Variants in ZNF480 observed in about 807,000 individuals in gnomAD.
ZNF480 encodes zinc finger protein 480.
ZNF480 carries 15 observed loss-of-function variants against 14.4 expected under a neutral mutation model. The observed-to-expected ratio is 1.04, with a 90% CI of 0.70 to 1.60. The LOEUF (loss-of-function observed/expected upper bound fraction) is 1.60, where lower values mean the gene tolerates loss of function less well. ZNF480 is among the 40% of genes most tolerant of loss of function. The pLI is 0.00. For synonymous variants in ZNF480, 218 were observed against 215.5 expected (o/e 1.01, Z -0.10); for missense variants, 593 against 629.7 (o/e 0.94, Z 0.62).
chr19:52,307,149 C>G (rs933975966), intron 2 of ZNF480, among the ~76,000 whole-genome samples: 9 of 152,292 alleles, frequency 5.9e-5, no homozygotes, highest in African/African-American at 1.9e-4. Context: ...TCAGCGCCAT[C>G]CTTATATGAC....
intron 3 of ZNF480, among the ~76,000 whole-genome samples, chr19:52,315,447 C>T (rs913509788): frequency 1.3e-5 from 2 of 151,896 alleles, no homozygotes; most frequent in East Asian, 1.9e-4. Context: ...GCTCGAGTAG[C>T]TGGGATTAGA....
intron 3 of ZNF480, 32 bp downstream of exon 3, chr19:52,314,311 C>A (rs749765788): frequency 6.8e-7 from 1 of 1,480,026 alleles, no homozygotes. Context: ...AAGCCGGGAT[C>A]TGCCCTTGGT....
chr19:52,297,175 C>T lies in ZNF480; in HGVS notation c.-68C>T. The T allele has an allele frequency of 2.4e-6, 1 of 423,998 alleles. No homozygotes were observed. The highest frequency in any genetic ancestry group is 4.7e-6 in the Non-Finnish European group (1 of 213,052). 26.3% of individuals were successfully genotyped at this position (423,998 alleles called of 1,614,324 possible). ...ACCCCTCCGCTGCGCGCGCAGTTTC[C>T]CACAAACCCGGAAGCGGATCGCGTG... On this transcript the variant is annotated 5_prime_UTR_variant, in exon 1 of 5. Transcript: ENST00000595962.
chr19:52,318,895 G>A (rs190572407), intron 4 of ZNF480, among the ~76,000 whole-genome samples: 5 of 151,492 alleles, frequency 3.3e-5, no homozygotes, highest in African/African-American at 7.3e-5. Context: ...ATGGATTCTC[G>A]CTCTGTCATC....
intron 4 of ZNF480, 56 bp downstream of exon 4, chr19:52,316,018 G>T (rs1366284413): frequency 1.4e-6 from 2 of 1,479,804 alleles, no homozygotes; most frequent in Non-Finnish European, 1.8e-6. Flanking sequence ...CTTTTTTTTT[G>T]TTTTGTTTTG....
In ZNF480 at chr19:52,322,107, C is replaced by T. The variant is rs755820379; in HGVS notation, c.857C>T (p.Pro286Leu). ...RHQRIHTREKPYECNECGKVF... is the reference protein window; with the variant it reads ...RHQRIHTREKLYECNECGKVF... ...CAAAGAATTCATACCAGAGAGAAGCCGTATGAATGTAATGAATGTGGTAAA... is the reference window on the plus strand; with the variant it reads ...CAAAGAATTCATACCAGAGAGAAGCTGTATGAATGTAATGAATGTGGTAAA... Residue 286 changes from proline (P) to leucine (L), a missense_variant, in exon 5 of 5, where the codon CCG becomes CTG. Transcript: ENST00000595962. 8.1e-6 allele frequency: 13 copies of T among 1,613,714 alleles called. No individual in the cohort carries two copies. The highest frequency in any genetic ancestry group is 5.3e-5 in the African/African-American group (4 of 74,856).
chr19:52,315,455 A>C (rs1223390288), intron 3 of ZNF480, among the ~76,000 whole-genome samples: 3 of 151,876 alleles, frequency 2.0e-5, no homozygotes, highest in Non-Finnish European at 4.4e-5. Flanking sequence ...AGCTGGGATT[A>C]GAGGCATGTG....
At chr19:52,310,982 G>A (rs1192063482) in intron 2 of ZNF480, among the ~76,000 whole-genome samples, 1 of 142,216 alleles carries the variant, frequency 7.0e-6, no homozygotes, top group Non-Finnish European at 1.5e-5. Context: ...TCCAGCCTGG[G>A]TGACAGAGCG....
chr19:52,320,100 G>A (rs1009587665), intron 4 of ZNF480, among the ~76,000 whole-genome samples: 13 of 152,098 alleles, frequency 8.5e-5, no homozygotes, highest in Non-Finnish European at 1.9e-4. Context: ...ACAAGCGTGA[G>A]CCACTGTGCC....
rs1466157206 is a variant in ZNF480 at position 52,324,531 on chromosome 19, T to A, written c.*1673T>A. 1 of 152,142 alleles carries A rather than the reference T, an allele frequency of 6.6e-6. No homozygotes were observed. The highest frequency in any genetic ancestry group is 2.4e-5 in the African/African-American group (1 of 41,424). The allele number at this position is 152,142 out of a possible 1,614,324, so 9.4% of individuals were successfully genotyped here. A position where few individuals can be genotyped will look rare whatever the true frequency, so the allele number is the denominator to read the frequency against. On this transcript the variant is annotated 3_prime_UTR_variant, in exon 5 of 5. Coordinates refer to ENST00000595962, the MANE Select transcript of ZNF480 (RefSeq NM_144684.4). ...TGTTTGAGGTATCACACTACCCAAC[T>A]TTAAACCATACTACAAGGCTACAGC...
intron 4 of ZNF480, among the ~76,000 whole-genome samples, chr19:52,317,075 T>TGGC (rs913748448): frequency 2.0e-5 from 3 of 152,120 alleles, no homozygotes; most frequent in African/African-American, 7.2e-5. Flanking sequence ...TGAAGTGCAG[T>TGGC]GGCGTGATCT....
At position 52,322,670 on chromosome 19, in the gene ZNF480, C is replaced by G; in HGVS notation, c.1420C>G (p.Gln474Glu). 1 of 1,613,676 alleles carries G rather than the reference C, an allele frequency of 6.2e-7. No homozygotes were observed. ...ACACAAGTTATCACTAACCAATCAT[C>G]AGAGAATCCATACTGGAGAAAGACC... The part of the protein sequence containing the change: ...FRHKLSLTNH[Q>E]RIHTGERPYK... The change falls in exon 5 of 5, where the codon CAG becomes GAG. Residue 474 changes from glutamine (Q) to glutamate (E), a missense_variant. Coordinates refer to ENST00000595962, the MANE Select transcript of ZNF480 (RefSeq NM_144684.4).
intron 1 of ZNF480, among the ~76,000 whole-genome samples, chr19:52,300,044 T>G (rs1028390306): frequency 1.3e-5 from 2 of 152,208 alleles, no homozygotes; most frequent in Non-Finnish European, 2.9e-5. Flanking sequence ...CCTCCATTTC[T>G]GAGGGATTAC....
intron 1 of ZNF480, among the ~76,000 whole-genome samples, chr19:52,298,405 G>T (rs1982518665): frequency 6.6e-6 from 1 of 152,186 alleles, no homozygotes; most frequent in African/African-American, 2.4e-5. Context: ...GGCCAAGGTG[G>T]GTGGATCACG....
At position 52,324,703 on chromosome 19, in the gene ZNF480, T is replaced by G. The variant is rs1984009607; in HGVS notation, c.*1845T>G. 6.6e-6 allele frequency: 1 copy of G among 152,112 alleles called. No individual in the cohort carries two copies. Among genetic ancestry groups the G allele is most frequent in the African/African-American group, 2.4e-5 (1 of 41,432 alleles). 9.4% of individuals were successfully genotyped at this position (152,112 alleles called of 1,614,324 possible). A position where few individuals can be genotyped will look rare whatever the true frequency, so the allele number is the denominator to read the frequency against. On this transcript the variant is annotated 3_prime_UTR_variant, in exon 5 of 5. Transcript: ENST00000595962. Reference sequence around the variant, plus strand: ...TGAAGTAAGAACTTCATTCAATAAGTGGTGCTGGCATAACTGGCTAGCCAT... The same window carrying G: ...TGAAGTAAGAACTTCATTCAATAAGGGGTGCTGGCATAACTGGCTAGCCAT...
chr19:52,316,194 C>CTCTTTCTTTCTTTCTTTCTTTCTTTCTT (rs56388324), intron 4 of ZNF480, among the ~76,000 whole-genome samples: 131 of 142,796 alleles, frequency 9.2e-4, no homozygotes, highest in African/African-American at 2.5e-3. Context: ...CTCTCTCTTT[C>CTCTTTCTTTCTTTCTTTCTTTCTTTCTT]TCTTTCTTTC....
chr19:52,315,019 G>A (rs1983481488), intron 3 of ZNF480, among the ~76,000 whole-genome samples: 2 of 151,968 alleles, frequency 1.3e-5, no homozygotes, highest in South Asian at 4.2e-4. Context: ...CTGGCTGGAG[G>A]GCACGTGATC....
At position 52,321,745 on chromosome 19, in the gene ZNF480, CTGTCTTCAAGAAA is replaced by C; in HGVS notation, c.503_515del (p.Gln168ProfsTer52). Reference sequence around the variant, plus strand: ...TTATCAACCACAGTTCCTCTGTTTCCTGTCTTCAAGAAATGTCTTCCAGTGTCAAAACCCCCAT... The same window carrying C: ...TTATCAACCACAGTTCCTCTGTTTCCTGTCTTCCAGTGTCAAAACCCCCAT... On this transcript the variant is annotated frameshift_variant, in exon 5 of 5. Coordinates refer to ENST00000595962, the MANE Select transcript of ZNF480 (RefSeq NM_144684.4). LOFTEE classifies it low-confidence loss of function (END_TRUNC). 6.2e-7 allele frequency: 1 copy of C among 1,613,858 alleles called. No individual in the cohort carries two copies. The highest frequency in any genetic ancestry group is 8.5e-7 in the Non-Finnish European group (1 of 1,179,898).
chr19:52,316,821 T>C (rs1341486750), intron 4 of ZNF480, among the ~76,000 whole-genome samples: 1 of 152,194 alleles, frequency 6.6e-6, no homozygotes, highest in African/African-American at 2.4e-5. Flanking sequence ...ATGACTGGCT[T>C]ATCTCACTTA....
Sources: gnomAD v4.1 joint callset for allele counts (sites outside exome capture counted in the v4.1 genomes callset) on GRCh38, gnomAD v4.1.1 for gene constraint, MANE v1.5 for transcripts, NCBI Gene and HGNC (gene_info 2026-07-23, HGNC 2026-07-21) for gene names.